The following TDRD10 variants were observed in gnomAD, a reference collection of about 807,000 sequenced individuals.
TDRD10 encodes the protein tudor domain containing 10.
In TDRD10, 40 loss-of-function variants were observed where a neutral mutation model predicts 48.0. The ratio of observed to expected loss-of-function variants is 0.83; its 90% CI spans 0.65 to 1.09. The LOEUF (loss-of-function observed/expected upper bound fraction) is 1.09, where lower values mean the gene tolerates loss of function less well. TDRD10 is among the 50% of genes least tolerant of loss of function. TDRD10 has a pLI of 0.00. For synonymous variants in TDRD10, 162 were observed against 170.4 expected (o/e 0.95, Z 0.38); for missense variants, 378 against 434.7 (o/e 0.87, Z 1.16).
In TDRD10 at chr1:154,544,905, T is replaced by C. The variant is rs200586203; in HGVS notation, c.908T>C (p.Phe303Ser). The change falls in exon 11 of 13, where the codon TTC becomes TCC. Residue 303 changes from phenylalanine (F) to serine (S), a missense_variant. This residue lies in a region of TDRD10 where 68 missense variants were observed against 111.1 expected (regional missense o/e 0.61). Coordinates refer to ENST00000368482, the MANE Select transcript of TDRD10 (RefSeq NM_182499.4). ...QSLRSLDSDDFWTIPPLTQPF... is the reference protein window; with the variant it reads ...QSLRSLDSDDSWTIPPLTQPF... ...CTGCGCAGCCTAGACAGCGACGACT[T>C]CTGGACCATCCCACCCCTGACTCAG... 9.3e-6 allele frequency: 15 copies of C among 1,614,150 alleles called. No individual in the cohort carries two copies. Among genetic ancestry groups the C allele is most frequent in the Non-Finnish European group, 1.3e-5 (15 of 1,180,020 alleles).
intron 4 of TDRD10, among the ~76,000 whole-genome samples, chr1:154,511,674 C>T (rs892409438): frequency 2.0e-5 from 3 of 151,912 alleles, no homozygotes; most frequent in Non-Finnish European, 4.4e-5. Flanking sequence ...GTGGTGAAAC[C>T]CCATCTCTAC....
At chr1:154,543,849 G>C (rs912950096) in intron 8 of TDRD10, 114 bp from the exon 9 acceptor site, 281 of 1,477,902 alleles carry the variant, frequency 1.9e-4, no homozygotes, top group Non-Finnish European at 2.5e-4. Flanking sequence ...TTCTGCTTAG[G>C]GGACTCATCC....
chr1:154,524,393 C>T (rs1357053895), intron 6 of TDRD10, among the ~76,000 whole-genome samples: 1 of 152,160 alleles, frequency 6.6e-6, no homozygotes, highest in East Asian at 1.9e-4. Context: ...TCTCGAACTC[C>T]TGGGCTTAAG....
intron 3 of TDRD10, 79 bp downstream of exon 3, chr1:154,507,399 C>A: frequency 6.6e-7 from 1 of 1,516,828 alleles, no homozygotes; most frequent in Non-Finnish European, 9.0e-7. Context: ...TCCCAGTCTG[C>A]CCAGTTTCTG....
Position 154,535,171 on chromosome 1 carries a change from A to T in TDRD10, c.370-6853A>T, listed in dbSNP as rs148126784. On this transcript the variant is annotated intron_variant, in intron 6 of 12. Transcript: ENST00000368482. ...CACTTGAAGTCAGGAGTTTGAGACC[A>T]GCCTGGCTAACATGGTGAAACTCCA... Among the ~76,000 whole-genome samples the T allele has an allele frequency of 3.9e-5, 6 of 152,262 alleles. No individual in the cohort carries two copies. In the East Asian group the frequency reaches 1.2e-3, roughly 29 times the overall value.
chr1:154,534,703 A>G (rs1694828779), intron 6 of TDRD10: 1 of 152,166 alleles, frequency 6.6e-6, no homozygotes, highest in Non-Finnish European at 1.5e-5. Flanking sequence ...GTTTTTGACA[A>G]TTTGTCAAGA....
intron 9 of TDRD10, 43 bp downstream of exon 9, chr1:154,544,153 T>G: frequency 6.2e-7 from 1 of 1,613,308 alleles, no homozygotes; most frequent in East Asian, 2.2e-5. Flanking sequence ...TGTGCCTTCC[T>G]GCGTGGCCTC....
At chr1:154,544,173 G>A in intron 9 of TDRD10, 63 bp downstream of exon 9, 2 of 1,610,522 alleles carry the variant, frequency 1.2e-6, no homozygotes, top group Non-Finnish European at 1.7e-6. Context: ...CCCTAGGGTG[G>A]GCATGGTGAC....
intron 4 of TDRD10, among the ~76,000 whole-genome samples, chr1:154,515,247 C>T (rs1387872856): frequency 6.6e-6 from 1 of 152,096 alleles, no homozygotes; most frequent in Admixed American, 6.6e-5. Flanking sequence ...ATCTGCCTGC[C>T]TCGGCCTCCC....
chr1:154,508,613 G>A (rs1693279091), intron 4 of TDRD10, 132 bp downstream of exon 4: 3 of 681,772 alleles, frequency 4.4e-6, no homozygotes, highest in Non-Finnish European at 8.0e-6. Context: ...GTCACTCGTT[G>A]GTGACTAGGG....
At chr1:154,534,058 A>T (rs768492837) in intron 6 of TDRD10, among the ~76,000 whole-genome samples, 4 of 152,058 alleles carry the variant, frequency 2.6e-5, no homozygotes, top group Non-Finnish European at 5.9e-5. Flanking sequence ...AAAAATGAAG[A>T]ATATTTCATG....
intron 4 of TDRD10, among the ~76,000 whole-genome samples, chr1:154,515,394 C>T (rs1198599342): frequency 6.6e-6 from 1 of 152,224 alleles, no homozygotes; most frequent in Non-Finnish European, 1.5e-5. Context: ...GGCCCCCCTC[C>T]ACTCAGAAGC....
At chr1:154,547,281 A>G (rs1367833779) in intron 11 of TDRD10, 128 bp from the exon 12 acceptor site, 2 of 861,466 alleles carry the variant, frequency 2.3e-6, no homozygotes, top group Non-Finnish European at 3.8e-6. Flanking sequence ...ACTAGCAGAG[A>G]CTTGCTGGTT....
At chr1:154,535,030 C>T (rs1446186924) in intron 6 of TDRD10, among the ~76,000 whole-genome samples, 2 of 152,270 alleles carry the variant, frequency 1.3e-5, no homozygotes, top group East Asian at 3.9e-4. Context: ...AGAGAATCCA[C>T]ATTGAAGGAT....
intron 6 of TDRD10, among the ~76,000 whole-genome samples, chr1:154,534,983 A>G (rs1694843013): frequency 2.0e-5 from 3 of 152,254 alleles, no homozygotes; most frequent in Admixed American, 2.0e-4. Context: ...GGCACTTTAC[A>G]GAAGTATTTT....
At chr1:154,544,288 G>A (rs1176973326) in intron 9 of TDRD10, 84 bp from the exon 10 acceptor site, 1 of 1,542,638 alleles carries the variant, frequency 6.5e-7, no homozygotes, top group Non-Finnish European at 8.8e-7. Flanking sequence ...CGGATTAGCG[G>A]TGCTAACATA....
intron 1 of TDRD10, among the ~76,000 whole-genome samples, chr1:154,503,646 A>G (rs1197213665): frequency 6.6e-6 from 1 of 152,218 alleles, no homozygotes; most frequent in Non-Finnish European, 1.5e-5. Context: ...AAAGAAATTT[A>G]AACTTAGTTT....
At chr1:154,525,680 G>A (rs1031242061) in intron 6 of TDRD10, among the ~76,000 whole-genome samples, 1 of 152,156 alleles carries the variant, frequency 6.6e-6, no homozygotes, top group African/African-American at 2.4e-5. Context: ...GATAATCTGA[G>A]GTCAGGAGTT....
At chr1:154,541,070 T>C (rs898868336) in intron 6 of TDRD10, among the ~76,000 whole-genome samples, 2 of 151,856 alleles carry the variant, frequency 1.3e-5, no homozygotes, top group Non-Finnish European at 2.9e-5. Context: ...GGAGTTGCAG[T>C]GAGAGGAGCA....
Sources: allele counts gnomAD v4.1 joint callset (sites outside exome capture counted in the v4.1 genomes callset), GRCh38; gene constraint gnomAD v4.1.1; regional missense constraint gnomAD v4.1.1; transcripts MANE v1.5; gene names NCBI Gene and HGNC (gene_info 2026-07-23, HGNC 2026-07-21).